DNAJC15: variants seen among roughly 807,000 people sequenced by gnomAD.
The protein encoded by DNAJC15 is DnaJ heat shock protein family (Hsp40) member C15.
In DNAJC15, 27 loss-of-function variants were observed where a neutral mutation model predicts 22.4. The ratio of observed to expected loss-of-function variants is 1.20; its 90% CI spans 0.89 to 1.66. The LOEUF is 1.66. Ranked by LOEUF, DNAJC15 falls within the 40% of genes most tolerant of loss-of-function variation. The probability of loss-of-function intolerance (pLI) is 0.00; values close to 1 mark genes in which losing one functional copy is unlikely to be tolerated. For missense variants in DNAJC15, 208 were observed against 187.1 expected (o/e 1.11, Z -0.65); for synonymous variants, 79 against 63.2 (o/e 1.25, Z -1.19).
chr13:43,082,946 T>C (rs1566213124), intron 4 of DNAJC15, among the ~76,000 whole-genome samples: 1 of 151,906 alleles, frequency 6.6e-6, no homozygotes, highest in Non-Finnish European at 1.5e-5. Context: ...TTACTGAACT[T>C]ATCTCATTAT....
chr13:43,048,681 A>G (rs2040489160), intron 1 of DNAJC15, among the ~76,000 whole-genome samples: 1 of 152,208 alleles, frequency 6.6e-6, no homozygotes, highest in Admixed American at 6.5e-5. Context: ...ACTGTTCCCA[A>G]ACATTATGCT....
chr13:43,060,867 TG>T (rs1006361112), intron 1 of DNAJC15, among the ~76,000 whole-genome samples: 1 of 152,036 alleles, frequency 6.6e-6, no homozygotes, highest in Non-Finnish European at 1.5e-5. Context: ...TCAGATCCTG[TG>T]GGAAAGGCCT....
chr13:43,049,252 T>C (rs1444147341), intron 1 of DNAJC15, among the ~76,000 whole-genome samples: 1 of 152,226 alleles, frequency 6.6e-6, no homozygotes, highest in Non-Finnish European at 1.5e-5. Context: ...TTTACTATTA[T>C]ATTGTCTTTT....
chr13:43,069,730 A>G (rs752655228), intron 3 of DNAJC15, among the ~76,000 whole-genome samples: 3 of 152,186 alleles, frequency 2.0e-5, no homozygotes, highest in Non-Finnish European at 2.9e-5. Flanking sequence ...TGAGATTGTC[A>G]AATTGCTGCA....
intron 1 of DNAJC15, among the ~76,000 whole-genome samples, chr13:43,054,696 G>C (rs746112898): frequency 2.0e-5 from 3 of 152,030 alleles, no homozygotes; most frequent in Non-Finnish European, 4.4e-5. Context: ...CTGTGTAAGG[G>C]TGTTCATAGT....
chr13:43,041,132 A>T (rs1258481617), intron 1 of DNAJC15, among the ~76,000 whole-genome samples: 2 of 152,118 alleles, frequency 1.3e-5, no homozygotes, highest in Non-Finnish European at 1.5e-5. Context: ...CCTTCCCACG[A>T]GGCCATATTT....
intron 1 of DNAJC15, among the ~76,000 whole-genome samples, chr13:43,026,611 A>G (rs543119039): frequency 6.6e-6 from 1 of 152,338 alleles, no homozygotes; most frequent in East Asian, 1.9e-4. Context: ...TAGGAAAGAA[A>G]AAAAAATGGC....
intron 1 of DNAJC15, among the ~76,000 whole-genome samples, chr13:43,061,507 G>A (rs1245763044): frequency 3.9e-5 from 6 of 152,196 alleles, no homozygotes; most frequent in Admixed American, 3.3e-4. Flanking sequence ...GCAGCTTTGA[G>A]AAGAGTTTTT....
intron 1 of DNAJC15, among the ~76,000 whole-genome samples, chr13:43,046,579 G>C (rs566539373): frequency 4.6e-5 from 7 of 152,228 alleles, no homozygotes; most frequent in Admixed American, 1.3e-4. Flanking sequence ...TAAAGAAATA[G>C]TCAAATCATA....
intron 1 of DNAJC15, among the ~76,000 whole-genome samples, chr13:43,041,712 A>T (rs2040454951): frequency 1.3e-5 from 2 of 152,252 alleles, no homozygotes; most frequent in Admixed American, 6.5e-5. Context: ...TCTAAGAAGC[A>T]ATCTATGATT....
chr13:43,094,387 A>T (rs1242916249), intron 5 of DNAJC15, among the ~76,000 whole-genome samples: 1 of 152,158 alleles, frequency 6.6e-6, no homozygotes, highest in Admixed American at 6.5e-5. Context: ...GACCTACTTA[A>T]TCAGAAAACC....
chr13:43,045,471 A>G (rs1337001972), intron 1 of DNAJC15, among the ~76,000 whole-genome samples: 1 of 152,194 alleles, frequency 6.6e-6, no homozygotes, highest in Non-Finnish European at 1.5e-5. Context: ...AAGATTTTAT[A>G]TGAAAGGGTT....
rs1295971295 is a variant in DNAJC15 at position 43,075,937 on chromosome 13, A to G, written c.235-2675A>G. Reference sequence around the variant, plus strand: ...CAGCCTCGCAAAGTGCTGGGATTACAGGCGTGAGGCACCACAGTCGGCCCC... The same window carrying G: ...CAGCCTCGCAAAGTGCTGGGATTACGGGCGTGAGGCACCACAGTCGGCCCC... On this transcript the variant is annotated intron_variant, in intron 3 of 5. Transcript: ENST00000379221. Among the ~76,000 whole-genome samples, 20 of 152,224 alleles carry G rather than the reference A, an allele frequency of 1.3e-4. 1 individual carries two copies. Among genetic ancestry groups the G allele is most frequent in the Non-Finnish European group, 4.4e-5 (3 of 68,042 alleles).
At chr13:43,058,829 C>T (rs1258930032) in intron 1 of DNAJC15, among the ~76,000 whole-genome samples, 1 of 152,192 alleles carries the variant, frequency 6.6e-6, no homozygotes, top group Non-Finnish European at 1.5e-5. Flanking sequence ...GTTGCTTCTA[C>T]TTTTAATTTT....
At chr13:43,070,846 A>T (rs917869877) in intron 3 of DNAJC15, among the ~76,000 whole-genome samples, 3 of 139,148 alleles carry the variant, frequency 2.2e-5, no homozygotes, top group African/African-American at 8.3e-5. Flanking sequence ...TGTGATTTGT[A>T]TTTTAAGTTA....
At chr13:43,104,420 G>T (rs1205797841) in intron 5 of DNAJC15, among the ~76,000 whole-genome samples, 2 of 152,152 alleles carry the variant, frequency 1.3e-5, no homozygotes, top group African/African-American at 4.8e-5. Context: ...GACTGACTTG[G>T]TAGCCCTCCA....
chr13:43,060,713 A>G (rs928873558), intron 1 of DNAJC15, among the ~76,000 whole-genome samples: 1 of 152,218 alleles, frequency 6.6e-6, no homozygotes, highest in African/African-American at 2.4e-5. Context: ...TAAAACCAGG[A>G]GCCACTAAAT....
rs1453948002 is a variant in DNAJC15 at position 43,113,621 on chromosome 13, T to C, written c.*6373T>C. The C allele has an allele frequency of 1.3e-5, 2 of 152,236 alleles. No individual in the cohort carries two copies. Among genetic ancestry groups the C allele is most frequent in the Non-Finnish European group, 2.9e-5 (2 of 68,044 alleles). The allele number at this position is 152,236 out of a possible 1,614,324, so 9.4% of individuals were successfully genotyped here. On this transcript the variant is annotated 3_prime_UTR_variant, in exon 6 of 6. Transcript: ENST00000379221. ...TGAGTTCCTTGAACATGGATACACCTATATGCAAGAGTGTATTCCAAAGCT... is the reference window on the plus strand; with the variant it reads ...TGAGTTCCTTGAACATGGATACACCCATATGCAAGAGTGTATTCCAAAGCT...
Position 43,023,712 on chromosome 13 carries a change from C to A in DNAJC15, c.86C>A (p.Ala29Asp). The change falls in exon 1 of 6, where the codon GCC becomes GAC. Residue 29 changes from alanine (A) to aspartate (D), a missense_variant. Coordinates refer to ENST00000379221, the MANE Select transcript of DNAJC15 (RefSeq NM_013238.3). ...YLQPSAKRPDADVDQQRLVRS... is the reference protein window; with the variant it reads ...YLQPSAKRPDDDVDQQRLVRS... ...CAGCCCTCGGCCAAACGGCCAGACG[C>A]CGACGTCGACCAGCAGAGACTGGTG... 2 of 1,611,150 alleles carry A rather than the reference C, an allele frequency of 1.2e-6. No individual in the cohort carries two copies. Among genetic ancestry groups the A allele is most frequent in the South Asian group, 2.2e-5 (2 of 90,570 alleles).
Sources: gnomAD v4.1 joint callset for allele counts (sites outside exome capture counted in the v4.1 genomes callset) on GRCh38, gnomAD v4.1.1 for gene constraint, MANE v1.5 for transcripts, NCBI Gene and HGNC (gene_info 2026-07-23, HGNC 2026-07-21) for gene names.